MAPDA: variants seen among roughly 807,000 people sequenced by gnomAD.
MAPDA encodes the protein N6,N6-dimethyl-AMP deaminase.
At chr15:43,339,675 A>T in the MAPDA span, among the ~76,000 whole-genome samples, 2 of 152,198 alleles carry the variant, frequency 1.3e-5, no homozygotes, top group Non-Finnish European at 2.9e-5. Context: ...GAACTTTTGG[A>T]TTATTGAGAT....
At chr15:43,340,704 G>A in the MAPDA span, among the ~76,000 whole-genome samples, 2 of 152,180 alleles carry the variant, frequency 1.3e-5, no homozygotes, top group African/African-American at 4.8e-5. Flanking sequence ...TTATTAATGA[G>A]TGAGTTATTC....
At chr15:43,334,633 T>TTATATATATATATA in the MAPDA span, among the ~76,000 whole-genome samples, 1,111 of 64,968 alleles carry the variant, frequency 0.017, 77 homozygotes, top group Admixed American at 0.05. Flanking sequence ...CTCAAAAAAA[T>TTATATATATATATA]TATATATATA....
At chr15:43,337,686 A>G in the MAPDA span, among the ~76,000 whole-genome samples, 1 of 152,200 alleles carries the variant, frequency 6.6e-6, no homozygotes, top group African/African-American at 2.4e-5. Flanking sequence ...TCAAGCAAAA[A>G]TTTTCCTCTT....
At chr15:43,333,686 G>C in the MAPDA span, among the ~76,000 whole-genome samples, 3 of 152,148 alleles carry the variant, frequency 2.0e-5, no homozygotes, top group South Asian at 6.2e-4. Flanking sequence ...ACCCCACTCA[G>C]TATCAATTTA....
the MAPDA span, among the ~76,000 whole-genome samples, chr15:43,337,509 G>T: frequency 6.6e-6 from 1 of 152,190 alleles, no homozygotes; most frequent in Non-Finnish European, 1.5e-5. Flanking sequence ...TGATACTAGA[G>T]TCTGACATGG....
chr15:43,335,182 A>G, the MAPDA span: 2 of 1,612,892 alleles, frequency 1.2e-6, no homozygotes, highest in Non-Finnish European at 8.5e-7. Flanking sequence ...TGAGAATTCA[A>G]CTACAGAAAT....
chr15:43,335,105 A>G, the MAPDA span: 1 of 1,613,068 alleles, frequency 6.2e-7, no homozygotes, highest in African/African-American at 1.3e-5. Flanking sequence ...TTTTCCTGCT[A>G]AAATGATAGA....
the MAPDA span, among the ~76,000 whole-genome samples, chr15:43,336,403 G>A: frequency 1.3e-5 from 2 of 151,908 alleles, no homozygotes; most frequent in African/African-American, 4.8e-5. Flanking sequence ...GTCAGGTGTG[G>A]GTTGGAGAAG....
At chr15:43,341,546 A>G in the MAPDA span, among the ~76,000 whole-genome samples, 1 of 152,284 alleles carries the variant, frequency 6.6e-6, no homozygotes, top group Admixed American at 6.5e-5. Flanking sequence ...CTATTTAAAA[A>G]TGTGTATATG....
At chr15:43,334,708 G>A in the MAPDA span, among the ~76,000 whole-genome samples, 3 of 131,474 alleles carry the variant, frequency 2.3e-5, no homozygotes, top group Admixed American at 1.7e-4. Flanking sequence ...TTTTGAAGTC[G>A]TTGTATAGAA....
At chr15:43,332,566 C>G in the MAPDA span, among the ~76,000 whole-genome samples, 1 of 152,000 alleles carries the variant, frequency 6.6e-6, no homozygotes, top group Non-Finnish European at 1.5e-5. Context: ...ATTTCGATGC[C>G]TTATGATTTA....
the MAPDA span, chr15:43,335,766 A>T: frequency 6.2e-7 from 1 of 1,614,102 alleles, no homozygotes; most frequent in Non-Finnish European, 8.5e-7. Context: ...CAGAAGCCAG[A>T]TCTTAAAATC....
chr15:43,353,129 G>A, the MAPDA span: 1 of 151,902 alleles, frequency 6.6e-6, no homozygotes, highest in Admixed American at 6.6e-5. Flanking sequence ...TCTAGTAGTG[G>A]CAACATTGTG....
the MAPDA span, among the ~76,000 whole-genome samples, chr15:43,344,252 A>C: frequency 1.3e-5 from 2 of 150,370 alleles, no homozygotes; most frequent in African/African-American, 4.8e-5. Flanking sequence ...TATTTATAAC[A>C]AAAATTAGAA....
chr15:43,330,412 G>C, the MAPDA span: 4 of 1,571,104 alleles, frequency 2.5e-6, no homozygotes, highest in Non-Finnish European at 1.7e-6. Context: ...GCGCGGCCAG[G>C]GAACGCTTGC....
the MAPDA span, chr15:43,346,029 T>A: frequency 1.2e-6 from 2 of 1,609,628 alleles, no homozygotes; most frequent in East Asian, 2.2e-5. Flanking sequence ...GTAGAATCAG[T>A]GGGATAAGGA....
the MAPDA span, chr15:43,352,544 C>T: frequency 6.6e-6 from 1 of 151,962 alleles, no homozygotes; most frequent in African/African-American, 2.4e-5. Context: ...AACAAAAAAA[C>T]AAAAAACCGG....
the MAPDA span, among the ~76,000 whole-genome samples, chr15:43,337,208 G>A: frequency 5.3e-5 from 8 of 151,100 alleles, no homozygotes; most frequent in African/African-American, 1.5e-4. Context: ...CCCGGGAGGT[G>A]GAGCTTGCGG....
the MAPDA span, chr15:43,351,613 A>C: frequency 1.4e-6 from 1 of 716,076 alleles, no homozygotes; most frequent in South Asian, 2.0e-5. Flanking sequence ...ACAGCTATGC[A>C]TAGATAAATT....
Sources: gnomAD v4.1 joint callset for allele counts (sites outside exome capture counted in the v4.1 genomes callset) on GRCh38, gnomAD v4.1.1 for gene constraint, MANE v1.5 for transcripts, NCBI Gene and HGNC (gene_info 2026-07-23, HGNC 2026-07-21) for gene names.